Variants in NTSR1 observed in about 807,000 individuals in gnomAD.
NTSR1 encodes the protein neurotensin receptor type 1.
In NTSR1, 29 loss-of-function variants were observed where a neutral mutation model predicts 31.2. The observed-to-expected ratio is 0.93, with a 90% CI of 0.69 to 1.27. The LOEUF (loss-of-function observed/expected upper bound fraction) is 1.27. Ranked by LOEUF, NTSR1 falls within the 50% of genes most tolerant of loss-of-function variation. The pLI, the probability that NTSR1 is intolerant of heterozygous loss-of-function variation, is 0.00. For synonymous variants in NTSR1, 282 were observed against 269.9 expected, an observed-to-expected ratio of 1.04 and a Z score of -0.44; for missense variants, 697 against 595.4, an observed-to-expected ratio of 1.17 and a Z score of -1.78.
intron 1 of NTSR1, among the ~76,000 whole-genome samples, chr20:62,725,983 G>T (rs1296251869): frequency 6.6e-6 from 1 of 152,190 alleles, no homozygotes; most frequent in Admixed American, 6.5e-5. Flanking sequence ...CCAACCTCAT[G>T]GGCCAAGAGA....
intron 1 of NTSR1, among the ~76,000 whole-genome samples, chr20:62,720,007 C>A (rs904354382): frequency 1.3e-5 from 2 of 152,164 alleles, no homozygotes; most frequent in African/African-American, 2.4e-5. Context: ...AAATTCAATT[C>A]TTTTCAAAGA....
Position 62,754,904 on chromosome 20 carries a change from C to T in NTSR1, c.916+18C>T. 1 of 1,570,490 alleles carries T rather than the reference C, an allele frequency of 6.4e-7. No homozygotes were observed. ...CGTCCTACGTACGTAACCTCTGGGC[C>T]CTCCAGGGGCGGGAGGCAGGCCAGG... On this transcript the variant is annotated intron_variant, in intron 2 of 3. Transcript: ENST00000370501.
At chr20:62,754,417 G>A (rs1989443867) in intron 1 of NTSR1, among the ~76,000 whole-genome samples, 2 of 152,208 alleles carry the variant, frequency 1.3e-5, no homozygotes, top group African/African-American at 4.8e-5. Context: ...GGGACCCTCG[G>A]GAGGGACTCA....
chr20:62,758,169 G>A lies in NTSR1; in HGVS notation c.917-97G>A. ...TGCCTCAGGTGCAGTGGGTCTCTGAGCCCACATCTGTGTGCCTCAGGTGCA... is the reference window on the plus strand; with the variant it reads ...TGCCTCAGGTGCAGTGGGTCTCTGAACCCACATCTGTGTGCCTCAGGTGCA... On this transcript the variant is annotated intron_variant, in intron 2 of 3. Transcript: ENST00000370501. The surrounding 1 kb of genome is among the most constrained non-coding windows in gnomAD (Gnocchi z 4.5). 2.1e-6 allele frequency: 3 copies of A among 1,416,178 alleles called. No individual in the cohort carries two copies. The highest frequency in any genetic ancestry group is 2.9e-6 in the Non-Finnish European group (3 of 1,025,610). The allele number at this position is 1,416,178 out of a possible 1,614,324, so 87.7% of individuals were successfully genotyped here.
intron 1 of NTSR1, among the ~76,000 whole-genome samples, chr20:62,749,183 T>C (rs2147145776): frequency 6.6e-6 from 1 of 152,284 alleles, no homozygotes; most frequent in Non-Finnish European, 1.5e-5. Context: ...GGCTCACGCC[T>C]ATAATCCCAG....
chr20:62,741,566 A>G lies in NTSR1; in HGVS notation c.715-13119A>G, dbSNP rs903490661. On this transcript the variant is annotated intron_variant, in intron 1 of 3. Transcript: ENST00000370501. This position sits in a 1 kb window ranked among gnomAD's most constrained non-coding sequence, Gnocchi z 4.3. Reference sequence around the variant, plus strand: ...CCCATGTCTGTGCGCCCCTTCGAGCATGCCTGGGCATTGTCCATGGTACTG... The same window carrying G: ...CCCATGTCTGTGCGCCCCTTCGAGCGTGCCTGGGCATTGTCCATGGTACTG... Among the ~76,000 whole-genome samples, 2 of 149,524 alleles carry G rather than the reference A, an allele frequency of 1.3e-5. No individual in the cohort carries two copies. The highest frequency in any genetic ancestry group is 2.2e-4 in the East Asian group (1 of 4,472).
chr20:62,737,667 C>T (rs1989121905), intron 1 of NTSR1, among the ~76,000 whole-genome samples: 2 of 152,094 alleles, frequency 1.3e-5, no homozygotes, highest in African/African-American at 4.8e-5. Context: ...GCTCTCGTCC[C>T]CACATCTGCC....
chr20:62,709,738 G>A lies in NTSR1; in HGVS notation c.531G>A (p.Lys177=), dbSNP rs149975885. Residue 177 remains lysine, a synonymous_variant, in exon 1 of 4, where the codon AAG becomes AAA. Transcript: ENST00000370501. ...CCATCTGCCACCCCTTCAAGGCCAA[G>A]ACCCTCATGTCCCGAAGCCGCACCA... ...YLAICHPFKA[K]TLMSRSRTKK... is the part of the protein sequence containing the mutation. The A allele has an allele frequency of 5.3e-5, 85 of 1,613,030 alleles. No homozygotes were observed. The African/African-American group carries it at 1.1e-3, about 20-fold the overall frequency.
At position 62,732,268 on chromosome 20, in the gene NTSR1, G is replaced by A. The variant is rs1184315448; in HGVS notation, c.714+22347G>A. 6.6e-6 allele frequency among the ~76,000 whole-genome samples: 1 copy of A among 152,170 alleles called. No individual in the cohort carries two copies. Among genetic ancestry groups the A allele is most frequent in the Admixed American group, 6.5e-5 (1 of 15,270 alleles). On this transcript the variant is annotated intron_variant, in intron 1 of 3. Transcript: ENST00000370501. This position sits in a 1 kb window ranked among gnomAD's most constrained non-coding sequence, Gnocchi z 4.0. ...CCTGCCTCCTTCCCTATCTTAGGAAGAAAAGCTTCAGGTTTGTCACCATTG... is the reference window on the plus strand; with the variant it reads ...CCTGCCTCCTTCCCTATCTTAGGAAAAAAAGCTTCAGGTTTGTCACCATTG...
intron 1 of NTSR1, among the ~76,000 whole-genome samples, chr20:62,749,103 T>C (rs1989349492): frequency 6.6e-6 from 1 of 152,086 alleles, no homozygotes; most frequent in Admixed American, 6.5e-5. Flanking sequence ...GAAAAAGCAG[T>C]CTCCTCAAAC....
Position 62,760,145 on chromosome 20 carries a change from C to A in NTSR1, c.1135C>A (p.Leu379Met), listed in dbSNP as rs202170385. The change falls in exon 4 of 4, where the codon CTG (leucine) becomes ATG (methionine). Residue 379 changes from leucine to methionine, a missense_variant. Transcript: ENST00000370501. ...ANFRHIFLAT[L>M]ACLCPVWRRR... ...CTTCCGCCACATCTTCCTGGCCACA[C>A]TGGCCTGCCTCTGCCCGGTGTGGCG... The A allele has an allele frequency of 5.6e-6, 9 of 1,614,092 alleles. 1 individual carries two copies. The Admixed American group carries it at 1.5e-4, about 27-fold the overall frequency.
intron 1 of NTSR1, among the ~76,000 whole-genome samples, chr20:62,718,869 C>T (rs537114513): frequency 6.6e-6 from 1 of 152,274 alleles, no homozygotes; most frequent in South Asian, 2.1e-4. Context: ...ATTTTCATTT[C>T]TCATGAGTAA....
chr20:62,724,068 C>T (rs897709480), intron 1 of NTSR1, among the ~76,000 whole-genome samples: 5 of 152,236 alleles, frequency 3.3e-5, no homozygotes, highest in African/African-American at 1.2e-4. Flanking sequence ...AACGGCCCCA[C>T]TGTCCCCACA....
intron 1 of NTSR1, among the ~76,000 whole-genome samples, chr20:62,729,795 A>G (rs1988973273): frequency 1.3e-5 from 2 of 151,740 alleles, no homozygotes; most frequent in Non-Finnish European, 2.9e-5. Context: ...CTAATGTTTT[A>G]TATTTTTGGT....
intron 1 of NTSR1, among the ~76,000 whole-genome samples, chr20:62,749,359 T>C (rs1233889972): frequency 6.6e-6 from 1 of 151,604 alleles, no homozygotes; most frequent in Non-Finnish European, 1.5e-5. Context: ...TACCCTTATC[T>C]CACACCATGC....
rs569426833 is a variant in NTSR1 at position 62,750,409 on chromosome 20, G to A, written c.715-4276G>A. 7.9e-5 allele frequency among the ~76,000 whole-genome samples: 12 copies of A among 152,214 alleles called. No homozygotes were observed. In the East Asian group the frequency reaches 1.9e-3, roughly 25 times the overall value. On this transcript the variant is annotated intron_variant, in intron 1 of 3. Coordinates refer to ENST00000370501, the MANE Select transcript of NTSR1 (RefSeq NM_002531.3). Reference sequence around the variant, plus strand: ...ACCAGAGTTAACAATACTGCATTGCGGCCGGGCGTGGTGGCTCACGCCTGT... The same window carrying A: ...ACCAGAGTTAACAATACTGCATTGCAGCCGGGCGTGGTGGCTCACGCCTGT...
intron 1 of NTSR1, among the ~76,000 whole-genome samples, chr20:62,730,278 G>A (rs1988981035): frequency 6.6e-6 from 1 of 152,030 alleles, no homozygotes; most frequent in Non-Finnish European, 1.5e-5. Flanking sequence ...CACAACCCCT[G>A]GCACCCACTG....
At position 62,741,997 on chromosome 20, in the gene NTSR1, C is replaced by T. The variant is rs1989215110; in HGVS notation, c.715-12688C>T. Reference sequence around the variant, plus strand: ...AGACCTGTGTGCCTGAGGTGGTGCACACAGAGTATGTGTAGACCCCAGGAC... The same window carrying T: ...AGACCTGTGTGCCTGAGGTGGTGCATACAGAGTATGTGTAGACCCCAGGAC... On this transcript the variant is annotated intron_variant, in intron 1 of 3. Coordinates refer to ENST00000370501, the MANE Select transcript of NTSR1 (RefSeq NM_002531.3). The surrounding 1 kb of genome is among the most constrained non-coding windows in gnomAD (Gnocchi z 4.3). Among the ~76,000 whole-genome samples the T allele has an allele frequency of 1.3e-5, 2 of 149,450 alleles. 1 individual carries two copies. The highest frequency in any genetic ancestry group is 4.2e-4 in the South Asian group (2 of 4,746).
At chr20:62,746,883 G>A (rs1215940582) in intron 1 of NTSR1, among the ~76,000 whole-genome samples, 2 of 152,246 alleles carry the variant, frequency 1.3e-5, no homozygotes, top group Admixed American at 6.5e-5. Flanking sequence ...TTCCGAAAAT[G>A]TGAAGAGGAA....
Sources: allele counts gnomAD v4.1 joint callset (sites outside exome capture counted in the v4.1 genomes callset), GRCh38; gene constraint gnomAD v4.1.1; non-coding constraint Gnocchi (gnomAD v3.1); transcripts MANE v1.5; gene names NCBI Gene and HGNC (gene_info 2026-07-23, HGNC 2026-07-21).